Variants in ZNF142 observed in about 807,000 individuals in gnomAD.
ZNF142 encodes the protein zinc finger protein 142 (clone pHZ-49).
Under a neutral mutation model 132.1 loss-of-function variants are expected in ZNF142, and 96 were observed. The observed-to-expected ratio is 0.73, with a 90% CI of 0.62 to 0.86. The LOEUF (loss-of-function observed/expected upper bound fraction) is 0.86. Ranked by LOEUF, ZNF142 falls within the 40% of genes least tolerant of loss-of-function variation. The probability of loss-of-function intolerance (pLI) is 0.00; values close to 1 mark genes in which losing one functional copy is unlikely to be tolerated. For missense variants in ZNF142, 2,163 were observed against 2,336.2 expected, an observed-to-expected ratio of 0.93 and a Z score of 1.53; for synonymous variants, 842 against 890.1, an observed-to-expected ratio of 0.95 and a Z score of 0.96.
At chr2:218,647,422 C>A (rs867621234) in intron 7 of ZNF142, among the ~76,000 whole-genome samples, 12 of 38,664 alleles carry the variant, frequency 3.1e-4, no homozygotes, top group East Asian at 1.5e-3. Flanking sequence ...GACTCCATCT[C>A]AAAAAAAAAA....
chr2:218,642,716 T>G lies in ZNF142; in HGVS notation c.4400A>C (p.Tyr1467Ser), dbSNP rs1441083699. The change falls in exon 9 of 11, where the codon TAC becomes TCC. Residue 1467 changes from tyrosine (Y) to serine (S), a missense_variant. Tyr to Ser is a moderately radical substitution (Grantham distance 144). Transcript: ENST00000411696. This position sits in a 1 kb window ranked among gnomAD's most constrained non-coding sequence, Gnocchi z 4.6. ...ATGACGAGTGATGTCATGGCGAAGG[T>G]AGCCACTATAGTCACAAAGTGGACA... is the stretch of plus-strand genomic sequence containing the variant. Reference protein sequence around the residue: ...HFCPLCDYSGYLRHDITRHVN... With the variant: ...HFCPLCDYSGSLRHDITRHVN... 1.2e-6 allele frequency: 2 copies of G among 1,614,092 alleles called. No homozygotes were observed. Among genetic ancestry groups the G allele is most frequent in the Non-Finnish European group, 8.5e-7 (1 of 1,180,018 alleles).
chr2:218,649,227 A>C lies in ZNF142; in HGVS notation c.1281T>G (p.Ser427Arg). The C allele has an allele frequency of 6.2e-7, 1 of 1,614,210 alleles. No individual in the cohort carries two copies. The highest frequency in any genetic ancestry group is 8.5e-7 in the Non-Finnish European group (1 of 1,180,028). Residue 427 changes from serine to arginine, a missense_variant, in exon 7 of 11, where the codon AGT (serine) becomes AGG (arginine). Physicochemically the swap from Ser to Arg is moderately radical, Grantham distance 110. Transcript: ENST00000411696. The stretch of plus-strand genomic sequence containing the variant: ...GGTTGAGTGCATTCCTCTCCACCGC[A>C]CTGTAGTGGCACAGTGGGCAGTGGT... The part of the protein sequence containing the change: ...KAHHCPLCHY[S>R]AVERNALNRH...
rs1696748284 is a variant in ZNF142, at chr2:218,636,362, TA to T, written c.*1976del. ...ATCCCGAAATGACTTTATTGGTCAG[TA>T]CACCCTGCCTTGGACCTGCATGCAA... On this transcript the variant is annotated 3_prime_UTR_variant, in exon 11 of 11. Coordinates refer to ENST00000411696, the MANE Select transcript of ZNF142 (RefSeq NM_001379659.1). 1 of 1,613,922 alleles carries T rather than the reference TA, an allele frequency of 6.2e-7. No homozygotes were observed. The highest frequency in any genetic ancestry group is 1.1e-5 in the South Asian group (1 of 91,092).
Position 218,633,432 on chromosome 2 carries a change from T to C in ZNF142, c.*4907A>G. On this transcript the variant is annotated 3_prime_UTR_variant, in exon 11 of 11. Transcript: ENST00000411696. The stretch of plus-strand genomic sequence containing the variant: ...TGTCCGTCTATCTGTTGTCAGATTG[T>C]GGCCCAGGCTCCTATTTCCAAGCCT... 1.3e-6 allele frequency: 1 copy of C among 770,366 alleles called. No homozygotes were observed. Among genetic ancestry groups the C allele is most frequent in the African/African-American group, 1.7e-5 (1 of 58,616 alleles). The allele number at this position is 770,366 out of a possible 1,614,324, so 47.7% of individuals were successfully genotyped here. A position where few individuals can be genotyped will look rare whatever the true frequency, so the allele number is the denominator to read the frequency against.
Position 218,635,570 on chromosome 2 carries a change from T to C in ZNF142, c.*2769A>G, listed in dbSNP as rs1175896360. Among the ~76,000 whole-genome samples, 1 of 152,182 alleles carries C rather than the reference T, an allele frequency of 6.6e-6. No individual in the cohort carries two copies. Among genetic ancestry groups the C allele is most frequent in the Non-Finnish European group, 1.5e-5 (1 of 68,040 alleles). On this transcript the variant is annotated 3_prime_UTR_variant, in exon 11 of 11. Transcript: ENST00000411696. ...GCCAGGCTGGTCTCCTGGTTTCAAG[T>C]GATCTGCCCACCTCGGCCTCCTGAA...
intron 8 of ZNF142, 57 bp downstream of exon 8, chr2:218,646,114 A>T: frequency 6.3e-7 from 1 of 1,579,074 alleles, no homozygotes; most frequent in East Asian, 2.2e-5. Flanking sequence ...ATCCGAGAGG[A>T]AGCTAGCTTG....
At position 218,644,143 on chromosome 2, in the gene ZNF142, TG is replaced by T; in HGVS notation, c.2972del (p.Thr991LysfsTer17). On this transcript the variant is annotated frameshift_variant, in exon 9 of 11. Transcript: ENST00000411696. LOFTEE classifies it high-confidence loss of function. The surrounding 1 kb of genome is among the most constrained non-coding windows in gnomAD (Gnocchi z 4.6). ...ACTCAGGTAATGGGGGCAAGGGTGC[TG>T]TCTCAGCAGGTGGAGTTGTCTTGAA... The part of the protein sequence containing the change: ...GTFKTTPPAE[T>X]APLPPLPESE... 1 of 1,614,088 alleles carries T rather than the reference TG, an allele frequency of 6.2e-7. No individual in the cohort carries two copies. Among genetic ancestry groups the T allele is most frequent in the Non-Finnish European group, 8.5e-7 (1 of 1,180,004 alleles).
chr2:218,658,509 C>G (rs1343463267), intron 3 of ZNF142, among the ~76,000 whole-genome samples, 192 bp downstream of exon 3: 1 of 151,864 alleles, frequency 6.6e-6, no homozygotes, highest in Non-Finnish European at 1.5e-5. Flanking sequence ...CCATTGCACC[C>G]CAGCTTGGGC....
rs35136548 is a variant in ZNF142, at chr2:218,640,061, C to CAAAAAAA, written c.5194+596_5194+602dup. Among the ~76,000 whole-genome samples, 322 of 44,306 alleles carry CAAAAAAA rather than the reference C, an allele frequency of 7.3e-3. 51 individuals are homozygous for CAAAAAAA. The highest frequency in any genetic ancestry group is 0.028 in the African/African-American group (276 of 9,884). 29.1% of individuals were successfully genotyped at this position (44,306 alleles called of 152,430 possible). On this transcript the variant is annotated intron_variant, in intron 10 of 10. Coordinates refer to ENST00000411696, the MANE Select transcript of ZNF142 (RefSeq NM_001379659.1). ...TGGGCAACAGAGCGAGACTCTGTCT[C>CAAAAAAA]AAAAAAAAAAAAAAAAAAAAAAAAA... is the stretch of plus-strand genomic sequence containing the variant.
intron 10 of ZNF142, among the ~76,000 whole-genome samples, chr2:218,639,732 T>C (rs1697006558): frequency 1.3e-4 from 3 of 23,526 alleles, no homozygotes; most frequent in Non-Finnish European, 4.2e-4. Flanking sequence ...ACCCTGTCAC[T>C]GAAAAAAAAA....
In ZNF142 at chr2:218,652,114, C is replaced by T. The variant is rs1575081185; in HGVS notation, c.467G>A (p.Gly156Asp). 2 of 448,166 alleles carry T rather than the reference C, an allele frequency of 4.5e-6. No homozygotes were observed. Among genetic ancestry groups the T allele is most frequent in the South Asian group, 3.2e-5 (2 of 63,382 alleles). 27.8% of individuals were successfully genotyped at this position (448,166 alleles called of 1,614,324 possible). Reference sequence around the variant, plus strand: ...TAGGGGGCTAACTGGCGGGCTCTGGCCCTGCAGAGGGCCAGGGAGGGTTGG... The same window carrying T: ...TAGGGGGCTAACTGGCGGGCTCTGGTCCTGCAGAGGGCCAGGGAGGGTTGG... ...SNPTLPGPLQ[G>D]QSPPVSPLSC... is the part of the protein sequence containing the mutation. The change falls in exon 5 of 11, where the codon GGC becomes GAC. Residue 156 changes from glycine to aspartate, a missense_variant. By Grantham distance (94) the Gly-to-Asp change is moderately conservative. This residue lies in a region of ZNF142 where 195 missense variants were observed against 172.4 expected (regional missense o/e 1.13). Transcript: ENST00000411696.
Position 218,644,551 on chromosome 2 carries a change from G to T in ZNF142, c.2565C>A (p.Ala855=). ...GTVVDPSLDQ[A]LPEMSEEVNT... is the part of the protein sequence containing the mutation. ...TGACCTCCTCACTCATCTCTGGCAG[G>T]GCCTGGTCCAAGCTGGGGTCCACCA... The change falls in exon 9 of 11, where the codon GCC becomes GCA. Residue 855 remains alanine, a synonymous_variant. Transcript: ENST00000411696. This position sits in a 1 kb window ranked among gnomAD's most constrained non-coding sequence, Gnocchi z 4.6. 1 of 1,614,036 alleles carries T rather than the reference G, an allele frequency of 6.2e-7. No homozygotes were observed. The highest frequency in any genetic ancestry group is 8.5e-7 in the Non-Finnish European group (1 of 1,180,024).
rs1696775409 is a variant in ZNF142, at chr2:218,636,653, C to T, written c.*1686G>A. 1 of 1,432,464 alleles carries T rather than the reference C, an allele frequency of 7.0e-7. No individual in the cohort carries two copies. Among genetic ancestry groups the T allele is most frequent in the Non-Finnish European group, 9.7e-7 (1 of 1,035,758 alleles). 88.7% of individuals were successfully genotyped at this position (1,432,464 alleles called of 1,614,324 possible). On this transcript the variant is annotated 3_prime_UTR_variant, in exon 11 of 11. Transcript: ENST00000411696. ...ACATCTGGAAGGATGCTCGAGAGAACAAATGGAGGTGGTGAAAATCAAGCT... is the reference window on the plus strand; with the variant it reads ...ACATCTGGAAGGATGCTCGAGAGAATAAATGGAGGTGGTGAAAATCAAGCT...
In ZNF142 at chr2:218,638,657, G is replaced by A. The variant is rs766120334; in HGVS notation, c.5346C>T (p.Thr1782=). ...TGGCCTCACTGTGCTTGCGAAGGTGGGTGCGCAGCAGGAAGCGCGTCTTGA... is the reference window on the plus strand; with the variant it reads ...TGGCCTCACTGTGCTTGCGAAGGTGAGTGCGCAGCAGGAAGCGCGTCTTGA... The part of the protein sequence containing the change: ...KAFKTRFLLR[T]HLRKHSEAKP... The change falls in exon 11 of 11, where the codon ACC becomes ACT. Residue 1782 remains threonine (T), a synonymous_variant. Transcript: ENST00000411696. 1 of 1,614,228 alleles carries A rather than the reference G, an allele frequency of 6.2e-7. No homozygotes were observed. The highest frequency in any genetic ancestry group is 1.3e-5 in the African/African-American group (1 of 75,052).
In ZNF142 at chr2:218,635,856, C is replaced by A; in HGVS notation, c.*2483G>T. 1 of 1,613,950 alleles carries A rather than the reference C, an allele frequency of 6.2e-7. No individual in the cohort carries two copies. The highest frequency in any genetic ancestry group is 8.5e-7 in the Non-Finnish European group (1 of 1,179,884). Reference sequence around the variant, plus strand: ...GACCAAAGAGGGGTCCATTGTGGATCCACTGGTGAAAGTGCAGATCTTTGG... The same window carrying A: ...GACCAAAGAGGGGTCCATTGTGGATACACTGGTGAAAGTGCAGATCTTTGG... On this transcript the variant is annotated 3_prime_UTR_variant, in exon 11 of 11. Coordinates refer to ENST00000411696, the MANE Select transcript of ZNF142 (RefSeq NM_001379659.1).
Position 218,643,987 on chromosome 2 carries a change from A to T in ZNF142, c.3129T>A (p.Phe1043Leu). Residue 1043 changes from phenylalanine (F) to leucine (L), a missense_variant, in exon 9 of 11, where the codon TTT becomes TTA. Phe to Leu is a conservative substitution (Grantham distance 22). Transcript: ENST00000411696. ...TCAGGGCCTTCTCCCGGCGAGTGAT[A>T]AAAGGGCAGTGTGGGCAGCGGAAGG... is the stretch of plus-strand genomic sequence containing the variant. The part of the protein sequence containing the change: ...GRAFRCPHCP[F>L]ITRREKALNL... The T allele has an allele frequency of 6.2e-7, 1 of 1,614,124 alleles. No homozygotes were observed. Among genetic ancestry groups the T allele is most frequent in the South Asian group, 1.1e-5 (1 of 91,078 alleles).
At chr2:218,658,489 C>G (rs1053644604) in intron 3 of ZNF142, among the ~76,000 whole-genome samples, 7 of 151,926 alleles carry the variant, frequency 4.6e-5, no homozygotes, top group Middle Eastern at 3.4e-3. Flanking sequence ...TGCAGTGAGC[C>G]GAGATCGCAC....
In ZNF142 at chr2:218,642,600, G is replaced by T. The variant is rs775005302; in HGVS notation, c.4516C>A (p.Leu1506Met). The change falls in exon 9 of 11, where the codon CTG becomes ATG. Residue 1506 changes from leucine to methionine, a missense_variant. By Grantham distance (15) the Leu-to-Met change is conservative (BLOSUM62 2). Around this residue, in one of 7 missense-constraint regions of ZNF142, gnomAD observed 809 missense variants for 801.7 expected, o/e 1.01. Coordinates refer to ENST00000411696, the MANE Select transcript of ZNF142 (RefSeq NM_001379659.1). This position sits in a 1 kb window ranked among gnomAD's most constrained non-coding sequence, Gnocchi z 4.6. ...SSETALKQHA[L>M]RRHPEPAQPA... ...TGTGCAGGCTCGGGGTGTCGGCGCA[G>T]AGCATGCTGCTTAAGTGCTGTCTCT... 1.5e-5 allele frequency: 24 copies of T among 1,610,502 alleles called. No homozygotes were observed. The Admixed American group carries it at 4.0e-4, about 27-fold the overall frequency.
rs1427410471 is a variant in ZNF142, at chr2:218,634,738, A to G, written c.*3601T>C. The G allele has an allele frequency of 6.1e-6, 8 of 1,311,208 alleles. No homozygotes were observed. Among genetic ancestry groups the G allele is most frequent in the Non-Finnish European group, 8.4e-6 (8 of 950,528 alleles). 81.2% of individuals were successfully genotyped at this position (1,311,208 alleles called of 1,614,324 possible). A position where few individuals can be genotyped will look rare whatever the true frequency, so the allele number is the denominator to read the frequency against. On this transcript the variant is annotated 3_prime_UTR_variant, in exon 11 of 11. Coordinates refer to ENST00000411696, the MANE Select transcript of ZNF142 (RefSeq NM_001379659.1). The surrounding 1 kb of genome is among the most constrained non-coding windows in gnomAD (Gnocchi z 4.0). ...TGTAGAGGCCGGATAGCCTATTAAC[A>G]GTGTCTAGTTTTAGCTTTTGGAGCC...
Sources: gnomAD v4.1 joint callset for allele counts (sites outside exome capture counted in the v4.1 genomes callset) on GRCh38, gnomAD v4.1.1 for gene constraint, gnomAD v4.1.1 regional missense constraint, Gnocchi (gnomAD v3.1) non-coding constraint, MANE v1.5 for transcripts, NCBI Gene and HGNC (gene_info 2026-07-23, HGNC 2026-07-21) for gene names.